HACD2: variants seen among roughly 807,000 people sequenced by gnomAD.
The protein encoded by HACD2 is very-long-chain (3R)-3-hydroxyacyl-CoA dehydratase 2.
In HACD2, 15 loss-of-function variants were observed where a neutral mutation model predicts 31.0. The observed-to-expected ratio is 0.48, with a 90% CI of 0.32 to 0.75. HACD2 has a LOEUF of 0.75. Among genes scored for constraint, HACD2 ranks in the 30% least tolerant of loss-of-function variants. The probability of loss-of-function intolerance (pLI) is 0.03; values close to 1 mark genes in which losing one functional copy is unlikely to be tolerated. For synonymous variants in HACD2, 115 were observed against 122.2 expected (o/e 0.94, Z 0.39); for missense variants, 283 against 313.0 (o/e 0.90, Z 0.72).
intron 3 of HACD2, among the ~76,000 whole-genome samples, chr3:123,557,496 G>T (rs2056684911): frequency 6.6e-6 from 1 of 152,090 alleles, no homozygotes; most frequent in African/African-American, 2.4e-5. Context: ...AAAATTAGCT[G>T]GGCATGGTGG....
chr3:123,566,288 T>C (rs1160449873), intron 3 of HACD2, among the ~76,000 whole-genome samples: 1 of 148,618 alleles, frequency 6.7e-6, no homozygotes, highest in Non-Finnish European at 1.5e-5. Context: ...TTTTAAATCC[T>C]TTTTTTTTTA....
At chr3:123,519,069 T>TA (rs1316183670) in intron 4 of HACD2, among the ~76,000 whole-genome samples, 2 of 146,600 alleles carry the variant, frequency 1.4e-5, no homozygotes, top group African/African-American at 2.5e-5. Flanking sequence ...CCTGTCCTGC[T>TA]AAAAAACAAA....
intron 4 of HACD2, among the ~76,000 whole-genome samples, chr3:123,522,585 T>C (rs2056230306): frequency 6.6e-6 from 1 of 151,720 alleles, no homozygotes; most frequent in Non-Finnish European, 1.5e-5. Flanking sequence ...TAAGTGAAAA[T>C]GCCACTAAGT....
intron 4 of HACD2, among the ~76,000 whole-genome samples, chr3:123,515,220 C>T (rs138371877): frequency 2.0e-5 from 3 of 152,096 alleles, no homozygotes; most frequent in Non-Finnish European, 4.4e-5. Context: ...GATGACCCAG[C>T]GGTCACAGCA....
At chr3:123,525,571 A>G (rs1299579072) in intron 4 of HACD2, among the ~76,000 whole-genome samples, 2 of 152,228 alleles carry the variant, frequency 1.3e-5, no homozygotes, top group Non-Finnish European at 2.9e-5. Flanking sequence ...AAAAGGTTAT[A>G]TAGGCTACAC....
chr3:123,567,605 G>A (rs917824513), intron 3 of HACD2, among the ~76,000 whole-genome samples, 157 bp downstream of exon 3: 2 of 152,136 alleles, frequency 1.3e-5, no homozygotes, highest in African/African-American at 4.8e-5. Flanking sequence ...TATGATTTCA[G>A]AAACTGAAAG....
intron 3 of HACD2, among the ~76,000 whole-genome samples, chr3:123,563,188 A>C (rs2056752595): frequency 6.6e-6 from 1 of 152,256 alleles, no homozygotes; most frequent in Non-Finnish European, 1.5e-5. Flanking sequence ...GACCACACAC[A>C]TAATACATTG....
chr3:123,582,285 T>C lies in HACD2; in HGVS notation c.200A>G (p.Lys67Arg). 2 of 1,609,580 alleles carry C rather than the reference T, an allele frequency of 1.2e-6. No homozygotes were observed. Among genetic ancestry groups the C allele is most frequent in the Non-Finnish European group, 1.7e-6 (2 of 1,177,758 alleles). ...AVGLVRAYLA[K>R]GSYHSLYYSI... ...ATAATAAAGGCTATGGTAGCTACCC[T>C]TAGCCAGGTATGCTCGGACCAGACC... The change falls in exon 2 of 7, where the codon AAG (lysine) becomes AGG (arginine). Residue 67 changes from lysine to arginine, a missense_variant. Transcript: ENST00000383657.
At chr3:123,566,547 G>T (rs2056794536) in intron 3 of HACD2, among the ~76,000 whole-genome samples, 1 of 151,682 alleles carries the variant, frequency 6.6e-6, no homozygotes, top group Non-Finnish European at 1.5e-5. Context: ...GCCTCCCAAG[G>T]TGCTGGTATT....
At chr3:123,506,061 G>C (rs1289488895) in intron 4 of HACD2, among the ~76,000 whole-genome samples, 3 of 152,232 alleles carry the variant, frequency 2.0e-5, no homozygotes, top group African/African-American at 7.2e-5. Flanking sequence ...TCCCTCCACA[G>C]GCAAGGCGTG....
chr3:123,584,553 C>T (rs1024673090), intron 1 of HACD2: 6 of 238,504 alleles, frequency 2.5e-5, no homozygotes, highest in South Asian at 1.7e-4. Flanking sequence ...GTAGTCCGGC[C>T]GCTGCCCCCG....
intron 3 of HACD2, among the ~76,000 whole-genome samples, chr3:123,563,644 T>TACAC (rs58761061): frequency 0.072 from 8,092 of 111,888 alleles, 238 homozygotes; most frequent in South Asian, 0.097. Context: ...AAAATATATA[T>TACAC]ACACACACAC....
intron 3 of HACD2, among the ~76,000 whole-genome samples, chr3:123,543,043 T>A (rs1576765429): frequency 6.6e-6 from 1 of 152,350 alleles, no homozygotes; most frequent in South Asian, 2.1e-4. Context: ...AGTGCCTGCC[T>A]GAGTTGGGAA....
At chr3:123,559,145 C>A (rs1035213523) in intron 3 of HACD2, among the ~76,000 whole-genome samples, 1 of 152,164 alleles carries the variant, frequency 6.6e-6, no homozygotes, top group African/African-American at 2.4e-5. Flanking sequence ...TTGCTCATTC[C>A]TCAGTTTCAG....
At chr3:123,532,569 G>A (rs138719758) in intron 3 of HACD2, among the ~76,000 whole-genome samples, 390 of 152,254 alleles carry the variant, frequency 2.6e-3, no homozygotes, top group African/African-American at 8.7e-3. Context: ...AGTGGCTTAC[G>A]CCTGTAATCC....
chr3:123,502,130 T>C (rs1374383273), intron 5 of HACD2, among the ~76,000 whole-genome samples: 1 of 152,158 alleles, frequency 6.6e-6, no homozygotes, highest in African/African-American at 2.4e-5. Flanking sequence ...TAAAAATTAA[T>C]TTAAGAGTCA....
chr3:123,527,157 T>C (rs936688020), intron 4 of HACD2, among the ~76,000 whole-genome samples: 5 of 152,230 alleles, frequency 3.3e-5, no homozygotes, highest in African/African-American at 9.6e-5. Context: ...TTTTAGGTCA[T>C]TGGAGACTAT....
chr3:123,495,224 T>C (rs1376888621), intron 6 of HACD2, among the ~76,000 whole-genome samples: 1 of 152,260 alleles, frequency 6.6e-6, no homozygotes, highest in African/African-American at 2.4e-5. Context: ...TCATGACCTA[T>C]ATCGATGCCA....
chr3:123,537,619 A>G (rs183535052), intron 3 of HACD2, among the ~76,000 whole-genome samples: 3 of 151,524 alleles, frequency 2.0e-5, no homozygotes, highest in East Asian at 3.9e-4. Flanking sequence ...ACGGTAAAAA[A>G]AAGTTTTAAA....
Sources: allele counts gnomAD v4.1 joint callset (sites outside exome capture counted in the v4.1 genomes callset), GRCh38; gene constraint gnomAD v4.1.1; transcripts MANE v1.5; gene names NCBI Gene and HGNC (gene_info 2026-07-23, HGNC 2026-07-21).